The following B3GAT2 variants were observed in gnomAD, a reference collection of about 807,000 sequenced individuals.
B3GAT2 encodes the protein galactosylgalactosylxylosylprotein 3-beta-glucuronosyltransferase 2.
B3GAT2 carries 26 observed loss-of-function variants against 27.8 expected under a neutral mutation model. That is an observed-to-expected ratio of 0.93 (90% CI 0.68 to 1.30). The LOEUF (loss-of-function observed/expected upper bound fraction) is 1.30, where lower values mean the gene tolerates loss of function less well. Ranked by LOEUF, B3GAT2 falls within the 50% of genes most tolerant of loss-of-function variation. The pLI is 0.00. For missense variants in B3GAT2, 458 were observed against 459.0 expected, an observed-to-expected ratio of 1.00 and a Z score of 0.02; for synonymous variants, 218 against 195.1, an observed-to-expected ratio of 1.12 and a Z score of -0.98.
At chr6:70,924,275 A>G (rs998168516) in intron 1 of B3GAT2, among the ~76,000 whole-genome samples, 3 of 152,220 alleles carry the variant, frequency 2.0e-5, no homozygotes, top group Non-Finnish European at 4.4e-5. Context: ...ACAAAGATAA[A>G]TGGAACAAAA....
chr6:70,938,007 T>C (rs1266116731), intron 1 of B3GAT2, among the ~76,000 whole-genome samples: 14 of 151,348 alleles, frequency 9.3e-5, no homozygotes, highest in Middle Eastern at 3.4e-3. Flanking sequence ...CAAAACCCCA[T>C]TGTCTCAGCC....
chr6:70,921,291 T>A (rs11759339), intron 1 of B3GAT2, among the ~76,000 whole-genome samples: 1 of 152,032 alleles, frequency 6.6e-6, no homozygotes, highest in Non-Finnish European at 1.5e-5. Context: ...TTTTAATTAT[T>A]TGTTCATTAT....
At chr6:70,932,407 G>C (rs1295592034) in intron 1 of B3GAT2, among the ~76,000 whole-genome samples, 1 of 152,124 alleles carries the variant, frequency 6.6e-6, no homozygotes, top group African/African-American at 2.4e-5. Flanking sequence ...TTCCTATCAA[G>C]AGATGAATGG....
chr6:70,927,949 C>T (rs1772991643), intron 1 of B3GAT2, among the ~76,000 whole-genome samples: 1 of 152,156 alleles, frequency 6.6e-6, no homozygotes, highest in African/African-American at 2.4e-5. Flanking sequence ...AGGCACTCCT[C>T]AGCAAATGTA....
At chr6:70,904,406 G>A (rs2504740) in intron 1 of B3GAT2, among the ~76,000 whole-genome samples, 24,412 of 152,092 alleles carry the variant, frequency 0.16, 2,432 homozygotes, top group East Asian at 0.44. Flanking sequence ...ATGAACTCAC[G>A]ATTAAAGAGC....
intron 1 of B3GAT2, among the ~76,000 whole-genome samples, chr6:70,914,456 A>G (rs1009906109): frequency 6.6e-6 from 1 of 152,196 alleles, no homozygotes; most frequent in Non-Finnish European, 1.5e-5. Flanking sequence ...TACAAAGGAT[A>G]TGAACTCATC....
chr6:70,906,027 C>T lies in B3GAT2; in HGVS notation c.592-11755G>A, dbSNP rs188273552. On this transcript the variant is annotated intron_variant, in intron 1 of 3. Transcript: ENST00000230053. ...TCACTACAGGAATGGTTGCCTTGGC[C>T]ACACTCAATCTATTTTCCCAAATGA... Among the ~76,000 whole-genome samples the T allele has an allele frequency of 1.7e-4, 26 of 152,168 alleles. No homozygotes were observed. In the East Asian group the frequency reaches 4.8e-3, roughly 28 times the overall value.
intron 2 of B3GAT2, among the ~76,000 whole-genome samples, chr6:70,871,629 C>T (rs999850166): frequency 5.3e-5 from 8 of 151,870 alleles, no homozygotes; most frequent in Non-Finnish European, 7.4e-5. Flanking sequence ...TTTTTCTTGA[C>T]AGTCTAAGTA....
At chr6:70,937,445 G>A (rs1220574813) in intron 1 of B3GAT2, among the ~76,000 whole-genome samples, 12 of 151,682 alleles carry the variant, frequency 7.9e-5, no homozygotes, top group African/African-American at 2.2e-4. Context: ...CAGAGACACA[G>A]CCAAAAAAGA....
chr6:70,894,273 CTA>C lies in B3GAT2; in HGVS notation c.592-3_592-2del, dbSNP rs773063307. 2 of 1,569,576 alleles carry C rather than the reference CTA, an allele frequency of 1.3e-6. No individual in the cohort carries two copies. Among genetic ancestry groups the C allele is most frequent in the Admixed American group, 1.9e-5 (1 of 51,754 alleles). On this transcript the variant is annotated splice_acceptor_variant and splice_polypyrimidine_tract_variant and intron_variant, in intron 1 of 3. Coordinates refer to ENST00000230053, the MANE Select transcript of B3GAT2 (RefSeq NM_080742.3). LOFTEE classifies it high-confidence loss of function. ...CGGAGACCTTGCGGGTGGTTCGCATCTATAAAAAGGGAAAAGACATGTGTTTT... is the reference window on the plus strand; with the variant it reads ...CGGAGACCTTGCGGGTGGTTCGCATCTAAAAAGGGAAAAGACATGTGTTTT...
intron 2 of B3GAT2, among the ~76,000 whole-genome samples, chr6:70,878,863 G>GC (rs961105947): frequency 2.0e-5 from 3 of 151,430 alleles, no homozygotes; most frequent in East Asian, 1.9e-4. Flanking sequence ...GCCTCTCTCT[G>GC]CCCCCCCTCC....
chr6:70,901,277 G>A (rs1364026672), intron 1 of B3GAT2, among the ~76,000 whole-genome samples: 1 of 152,164 alleles, frequency 6.6e-6, no homozygotes, highest in Non-Finnish European at 1.5e-5. Flanking sequence ...AAATCGTGTT[G>A]ATAGTATGTA....
At chr6:70,893,565 T>C (rs1185487842) in intron 2 of B3GAT2, among the ~76,000 whole-genome samples, 2 of 152,098 alleles carry the variant, frequency 1.3e-5, no homozygotes, top group Non-Finnish European at 2.9e-5. Context: ...ATTCAGTTGG[T>C]TGTTCAGGGA....
At chr6:70,926,242 A>C (rs1243983086) in intron 1 of B3GAT2, among the ~76,000 whole-genome samples, 1 of 152,222 alleles carries the variant, frequency 6.6e-6, no homozygotes. Flanking sequence ...GAAAAGCCAA[A>C]AATTTTAAAA....
At chr6:70,879,261 G>A (rs1772062317) in intron 2 of B3GAT2, among the ~76,000 whole-genome samples, 1 of 152,060 alleles carries the variant, frequency 6.6e-6, no homozygotes, top group Admixed American at 6.6e-5. Flanking sequence ...CAGACATAAT[G>A]ATTTCACGGG....
At chr6:70,895,118 A>G (rs897591260) in intron 1 of B3GAT2, among the ~76,000 whole-genome samples, 1 of 152,188 alleles carries the variant, frequency 6.6e-6, no homozygotes, top group African/African-American at 2.4e-5. Context: ...CCCATGCTGG[A>G]GCCCATAGCT....
intron 2 of B3GAT2, among the ~76,000 whole-genome samples, chr6:70,862,236 A>G (rs1279652379): frequency 6.6e-6 from 1 of 152,152 alleles, no homozygotes; most frequent in African/African-American, 2.4e-5. Flanking sequence ...GTCTGTTGAT[A>G]ATAAAGGGTG....
At chr6:70,933,924 T>C (rs1272166678) in intron 1 of B3GAT2, among the ~76,000 whole-genome samples, 1 of 152,206 alleles carries the variant, frequency 6.6e-6, no homozygotes, top group African/African-American at 2.4e-5. Context: ...CTCAGAACCA[T>C]ATGTATTATT....
chr6:70,928,528 C>G (rs1178595258), intron 1 of B3GAT2, among the ~76,000 whole-genome samples: 1 of 152,134 alleles, frequency 6.6e-6, no homozygotes, highest in Admixed American at 6.6e-5. Context: ...CACGGAAATA[C>G]AAACTACCAT....
Sources: gnomAD v4.1 joint callset for allele counts (sites outside exome capture counted in the v4.1 genomes callset) on GRCh38, gnomAD v4.1.1 for gene constraint, MANE v1.5 for transcripts, NCBI Gene and HGNC (gene_info 2026-07-23, HGNC 2026-07-21) for gene names.